ROR1: variants seen among roughly 807,000 people sequenced by gnomAD.
The protein encoded by ROR1 is inactive tyrosine-protein kinase transmembrane receptor ROR1.
A neutral mutation model predicts 78.8 loss-of-function variants in ROR1; 19 were observed. That is an observed-to-expected ratio of 0.24 (90% CI 0.17 to 0.35). The LOEUF (loss-of-function observed/expected upper bound fraction) is 0.35. Ranked by LOEUF, ROR1 falls within the 10% of genes least tolerant of loss-of-function variation. The pLI is 1.00. For missense variants in ROR1, 917 were observed against 1,177.8 expected (o/e 0.78, Z 3.24); for synonymous variants, 386 against 433.6 (o/e 0.89, Z 1.36).
intron 1 of ROR1, among the ~76,000 whole-genome samples, chr1:63,785,573 A>G (rs1644679416): frequency 6.6e-6 from 1 of 151,372 alleles, no homozygotes; most frequent in Admixed American, 6.6e-5. Flanking sequence ...CCCAAGCTGG[A>G]GTGCAGTGGC....
chr1:63,817,841 T>G (rs943384517), intron 1 of ROR1, among the ~76,000 whole-genome samples: 2 of 151,730 alleles, frequency 1.3e-5, no homozygotes, highest in African/African-American at 2.4e-5. Flanking sequence ...ATACCCTGGT[T>G]TAAGCCTCGT....
intron 8 of ROR1, among the ~76,000 whole-genome samples, chr1:64,168,288 T>G (rs1232468475): frequency 6.6e-6 from 1 of 152,216 alleles, no homozygotes; most frequent in Admixed American, 6.5e-5. Context: ...GAGTCATAGT[T>G]ACCAATCTCA....
intron 8 of ROR1, among the ~76,000 whole-genome samples, chr1:64,177,115 T>C (rs1009204324): frequency 2.0e-5 from 3 of 152,204 alleles, no homozygotes; most frequent in Non-Finnish European, 2.9e-5. Context: ...CCCAAGAGTC[T>C]GCATTTGCAG....
intron 1 of ROR1, among the ~76,000 whole-genome samples, chr1:63,970,447 T>C (rs1304180421): frequency 6.6e-6 from 1 of 152,232 alleles, no homozygotes; most frequent in Non-Finnish European, 1.5e-5. Context: ...GTAATAATAA[T>C]AACACACCAA....
intron 2 of ROR1, among the ~76,000 whole-genome samples, chr1:64,044,698 C>T (rs998468634): frequency 2.6e-5 from 4 of 151,918 alleles, no homozygotes; most frequent in Admixed American, 6.6e-5. Context: ...AAAGAATGAC[C>T]GACAGAAAAA....
chr1:63,903,450 A>G (rs1164040850), intron 1 of ROR1, among the ~76,000 whole-genome samples: 2 of 150,662 alleles, frequency 1.3e-5, no homozygotes, highest in Non-Finnish European at 3.0e-5. Flanking sequence ...TTTTTTACCC[A>G]CTTCACTGAT....
intron 1 of ROR1, among the ~76,000 whole-genome samples, chr1:63,799,114 G>T (rs1043468183): frequency 6.6e-6 from 1 of 152,044 alleles, no homozygotes; most frequent in African/African-American, 2.4e-5. Flanking sequence ...AAGAAGAGAT[G>T]ATCATGTCTA....
rs1408148484 is a variant in ROR1 at position 64,099,915 on chromosome 1, C to T, written c.483-37454C>T. On this transcript the variant is annotated intron_variant, in intron 4 of 8. Coordinates refer to ENST00000371079, the MANE Select transcript of ROR1 (RefSeq NM_005012.4). ...CTAAAAAATACAAAAATTAGCTGGACGTGGTGGCGCGTGCCTGTAGTCCCA... is the reference window on the plus strand; with the variant it reads ...CTAAAAAATACAAAAATTAGCTGGATGTGGTGGCGCGTGCCTGTAGTCCCA... 7.9e-5 allele frequency among the ~76,000 whole-genome samples: 12 copies of T among 152,140 alleles called. No homozygotes were observed. The South Asian group carries it at 1.7e-3, about 21-fold the overall frequency.
At chr1:64,028,422 A>C (rs1646633074) in intron 2 of ROR1, among the ~76,000 whole-genome samples, 1 of 152,160 alleles carries the variant, frequency 6.6e-6, no homozygotes, top group Non-Finnish European at 1.5e-5. Context: ...GCGTTTGCTA[A>C]ATAGGAAGCA....
intron 1 of ROR1, among the ~76,000 whole-genome samples, chr1:63,902,048 T>A: frequency 6.6e-6 from 1 of 152,170 alleles, no homozygotes; most frequent in East Asian, 1.9e-4. Context: ...TATTGAAACA[T>A]CCAAACCATG....
intron 4 of ROR1, among the ~76,000 whole-genome samples, chr1:64,121,091 T>G (rs1292570195): frequency 1.8e-5 from 2 of 110,602 alleles, no homozygotes; most frequent in African/African-American, 3.5e-5. Flanking sequence ...TTTTTTTTTT[T>G]TTTTTTTGCT....
At chr1:63,931,926 T>A (rs1645755790) in intron 1 of ROR1, among the ~76,000 whole-genome samples, 1 of 152,130 alleles carries the variant, frequency 6.6e-6, no homozygotes, top group African/African-American at 2.4e-5. Context: ...TAGGGGAAAA[T>A]TGTATATATA....
At chr1:63,890,364 A>G (rs1294310658) in intron 1 of ROR1, among the ~76,000 whole-genome samples, 1 of 150,850 alleles carries the variant, frequency 6.6e-6, no homozygotes, top group Non-Finnish European at 1.5e-5. Flanking sequence ...TATTCATTCT[A>G]CTCATTTACT....
chr1:63,779,766 A>G (rs1384396508), intron 1 of ROR1, among the ~76,000 whole-genome samples: 2 of 152,102 alleles, frequency 1.3e-5, no homozygotes, highest in Non-Finnish European at 2.9e-5. Context: ...GATTAATGTT[A>G]TGTGATTGGG....
Position 64,028,133 on chromosome 1 carries a change from A to T in ROR1, c.163+18757A>T, listed in dbSNP as rs531214353. Among the ~76,000 whole-genome samples the T allele has an allele frequency of 5.5e-4, 83 of 152,234 alleles. 1 individual carries two copies. The highest frequency in any genetic ancestry group is 1.2e-3 in the Admixed American group (18 of 15,292). On this transcript the variant is annotated intron_variant, in intron 2 of 8. Transcript: ENST00000371079. ...CAAATGCATGTAGTTTAGATTTTTT[A>T]AAAAAATTCTTTTCACTGATTTCAG...
At position 64,033,102 on chromosome 1, in the gene ROR1, ATAAT is replaced by A. The variant is rs1646674393; in HGVS notation, c.164-16585_164-16582del. Among the ~76,000 whole-genome samples the A allele has an allele frequency of 2.6e-5, 4 of 152,318 alleles. No homozygotes were observed. In the South Asian group the frequency reaches 8.3e-4, roughly 32 times the overall value. On this transcript the variant is annotated intron_variant, in intron 2 of 8. Coordinates refer to ENST00000371079, the MANE Select transcript of ROR1 (RefSeq NM_005012.4). ...ATGCCACTGAGCTAAACACTTAAAA[ATAAT>A]TAAAATTGTACGTTTTGTCACGTAT...
chr1:64,051,463 A>T (rs1480135027), intron 4 of ROR1, among the ~76,000 whole-genome samples: 10 of 21,030 alleles, frequency 4.8e-4, no homozygotes, highest in Admixed American at 2.2e-3. Context: ...AATAAAAAAT[A>T]AAATAAAATA....
At chr1:64,136,722 TA>T (rs1649115989) in intron 4 of ROR1, among the ~76,000 whole-genome samples, 1 of 152,330 alleles carries the variant, frequency 6.6e-6, no homozygotes, top group South Asian at 2.1e-4. Context: ...ACTATTTTTT[TA>T]AATTGTAGAG....
chr1:63,962,464 G>A (rs1481961909), intron 1 of ROR1, among the ~76,000 whole-genome samples: 1 of 152,212 alleles, frequency 6.6e-6, no homozygotes, highest in Non-Finnish European at 1.5e-5. Flanking sequence ...ATCTGGAGAT[G>A]TTAAGTACCT....
Sources: gnomAD v4.1 joint callset for allele counts (sites outside exome capture counted in the v4.1 genomes callset) on GRCh38, gnomAD v4.1.1 for gene constraint, MANE v1.5 for transcripts, NCBI Gene and HGNC (gene_info 2026-07-23, HGNC 2026-07-21) for gene names.